CPQ: variants seen among roughly 807,000 people sequenced by gnomAD.
The protein encoded by CPQ is carboxypeptidase Q, also known as Ser-Met dipeptidase.
CPQ carries 37 observed loss-of-function variants against 45.7 expected under a neutral mutation model. That is an observed-to-expected ratio of 0.81 (90% CI 0.62 to 1.07). The LOEUF is 1.07. CPQ is among the 50% of genes least tolerant of loss of function. The pLI is 0.00. For missense variants in CPQ, 537 were observed against 572.9 expected (o/e 0.94, Z 0.64); for synonymous variants, 186 against 205.8 (o/e 0.90, Z 0.82).
At chr8:96,788,137 A>T (rs1586401121) in intron 2 of CPQ, among the ~76,000 whole-genome samples, 5 of 133,442 alleles carry the variant, frequency 3.7e-5, no homozygotes, top group African/African-American at 2.8e-5. Context: ...TGCCTTCTGG[A>T]CTCCATTGTT....
chr8:96,774,276 A>AG (rs1042642448), intron 1 of CPQ, among the ~76,000 whole-genome samples: 2 of 152,120 alleles, frequency 1.3e-5, no homozygotes, highest in African/African-American at 4.8e-5. Context: ...GTCTCAAAAA[A>AG]AAAAAAAAAG....
intron 6 of CPQ, among the ~76,000 whole-genome samples, chr8:97,038,676 G>C (rs1360839481): frequency 3.3e-5 from 5 of 151,778 alleles, no homozygotes; most frequent in Non-Finnish European, 5.9e-5. Flanking sequence ...CTAAATCAGG[G>C]GTTGGCAAAC....
At chr8:96,875,932 A>G (rs1010541305) in intron 3 of CPQ, among the ~76,000 whole-genome samples, 2 of 152,020 alleles carry the variant, frequency 1.3e-5, no homozygotes, top group East Asian at 1.9e-4. Context: ...CTTTATAGAC[A>G]TGAACATCTT....
At chr8:96,999,812 A>G (rs1809241101) in intron 5 of CPQ, among the ~76,000 whole-genome samples, 1 of 152,104 alleles carries the variant, frequency 6.6e-6, no homozygotes, top group African/African-American at 2.4e-5. Context: ...AGTAATTGCC[A>G]TGCTGTCTTC....
chr8:96,800,847 T>G (rs1810997603), intron 2 of CPQ, among the ~76,000 whole-genome samples: 1 of 151,198 alleles, frequency 6.6e-6, no homozygotes. Flanking sequence ...TGGGAGGGAG[T>G]GAGAAATGGG....
chr8:96,835,158 G>T lies in CPQ; in HGVS notation c.619G>T (p.Val207Leu). ...VGALASLIRSVASFSIYSPHT... is the reference protein window; with the variant it reads ...VGALASLIRSLASFSIYSPHT... ...GGCTTTGGCATCTCTCATTCGATCCGTGGCCTCCTTCTCCATCTACAGGTT... is the reference window on the plus strand; with the variant it reads ...GGCTTTGGCATCTCTCATTCGATCCTTGGCCTCCTTCTCCATCTACAGGTT... The change falls in exon 3 of 8, where the codon GTG (valine) becomes TTG (leucine). Residue 207 changes from valine (V) to leucine (L), a missense_variant. Physicochemically the swap from Val to Leu is conservative, Grantham distance 32. Coordinates refer to ENST00000220763, the MANE Select transcript of CPQ (RefSeq NM_016134.4). 1 of 1,522,692 alleles carries T rather than the reference G, an allele frequency of 6.6e-7. No individual in the cohort carries two copies. Among genetic ancestry groups the T allele is most frequent in the African/African-American group, 1.4e-5 (1 of 71,694 alleles). 94.3% of individuals were successfully genotyped at this position (1,522,692 alleles called of 1,614,324 possible).
intron 4 of CPQ, among the ~76,000 whole-genome samples, chr8:96,911,639 C>T (rs1812665640): frequency 6.6e-6 from 1 of 152,182 alleles, no homozygotes; most frequent in Non-Finnish European, 1.5e-5. Context: ...CATCAGGGCC[C>T]ACTCTATAAA....
chr8:96,698,221 A>T (rs1194958920), intron 1 of CPQ, among the ~76,000 whole-genome samples: 1 of 152,124 alleles, frequency 6.6e-6, no homozygotes, highest in East Asian at 1.9e-4. Context: ...TATTTTTAGC[A>T]GAGGAACCAA....
intron 7 of CPQ, among the ~76,000 whole-genome samples, chr8:97,066,864 C>T (rs1457943493): frequency 6.3e-5 from 9 of 143,738 alleles, no homozygotes; most frequent in East Asian, 2.1e-4. Flanking sequence ...GAAATGGGAG[C>T]GGACATGAGG....
intron 1 of CPQ, among the ~76,000 whole-genome samples, chr8:96,663,812 GTC>G (rs1343740573): frequency 2.0e-5 from 3 of 152,140 alleles, no homozygotes; most frequent in East Asian, 3.9e-4. Flanking sequence ...TCAATGATAA[GTC>G]TCTGTGACTG....
intron 5 of CPQ, among the ~76,000 whole-genome samples, chr8:96,997,425 C>A (rs929657098): frequency 2.0e-5 from 3 of 151,974 alleles, no homozygotes; most frequent in African/African-American, 7.2e-5. Flanking sequence ...ACAAATAGTT[C>A]TCTTTTGTTT....
chr8:96,991,615 A>T lies in CPQ; in HGVS notation c.961+25569A>T, dbSNP rs1289520213. On this transcript the variant is annotated intron_variant, in intron 5 of 7. Coordinates refer to ENST00000220763, the MANE Select transcript of CPQ (RefSeq NM_016134.4). ...ATAATAATAATAATGCTTTCCCTAC[A>T]TCTAGCTATAATTATTTCTTTAACA... Among the ~76,000 whole-genome samples, 7 of 150,456 alleles carry T rather than the reference A, an allele frequency of 4.7e-5. 1 individual carries two copies. The highest frequency in any genetic ancestry group is 4.0e-4 in the Admixed American group (6 of 15,052).
At chr8:97,034,545 G>A (rs1222042422) in intron 6 of CPQ, among the ~76,000 whole-genome samples, 4 of 152,062 alleles carry the variant, frequency 2.6e-5, no homozygotes, top group African/African-American at 9.7e-5. Flanking sequence ...CATTTTTCTT[G>A]CTGTTTTATT....
At chr8:97,033,066 C>A (rs184019247) in intron 6 of CPQ, among the ~76,000 whole-genome samples, 101 of 151,438 alleles carry the variant, frequency 6.7e-4, no homozygotes, top group African/African-American at 2.4e-3. Flanking sequence ...AGAGAAGGGA[C>A]AGCAGCTCCC....
At chr8:96,774,835 CAA>C (rs1810586735) in intron 1 of CPQ, among the ~76,000 whole-genome samples, 2 of 152,116 alleles carry the variant, frequency 1.3e-5, no homozygotes, top group Non-Finnish European at 2.9e-5. Context: ...GTAGTGTAAA[CAA>C]TATATTTAAT....
At chr8:97,069,402 G>A (rs1281865579) in intron 7 of CPQ, among the ~76,000 whole-genome samples, 3 of 151,484 alleles carry the variant, frequency 2.0e-5, no homozygotes, top group South Asian at 2.1e-4. Flanking sequence ...GCTGCAAGGT[G>A]GGAGAATTGC....
intron 3 of CPQ, among the ~76,000 whole-genome samples, chr8:96,865,089 T>G (rs1273588782): frequency 6.6e-6 from 1 of 151,936 alleles, no homozygotes; most frequent in African/African-American, 2.4e-5. Flanking sequence ...TTTATAACAA[T>G]AATAATAATA....
intron 4 of CPQ, among the ~76,000 whole-genome samples, chr8:96,912,574 T>G (rs1245888421): frequency 6.6e-6 from 1 of 152,220 alleles, no homozygotes; most frequent in Non-Finnish European, 1.5e-5. Flanking sequence ...CATAGATGTA[T>G]TAAATCAGAC....
intron 2 of CPQ, among the ~76,000 whole-genome samples, chr8:96,814,591 A>G (rs889154574): frequency 1.3e-5 from 2 of 152,194 alleles, no homozygotes; most frequent in Admixed American, 6.5e-5. Context: ...CTCAACATAT[A>G]TATCATTTTC....
Sources: gnomAD v4.1 joint callset for allele counts (sites outside exome capture counted in the v4.1 genomes callset) on GRCh38, gnomAD v4.1.1 for gene constraint, MANE v1.5 for transcripts, NCBI Gene and HGNC (gene_info 2026-07-23, HGNC 2026-07-21) for gene names.